Variants in ARMC9 observed in about 807,000 individuals in gnomAD.
The protein encoded by ARMC9 is lisH domain-containing protein ARMC9.
Under a neutral mutation model 107.0 loss-of-function variants are expected in ARMC9, and 94 were observed. The observed-to-expected ratio is 0.88, with a 90% confidence interval of 0.74 to 1.04. The LOEUF is 1.04. Among genes scored for constraint, ARMC9 ranks in the 50% least tolerant of loss-of-function variants. ARMC9 has a pLI of 0.00. For synonymous variants in ARMC9, 380 were observed against 396.9 expected, an observed-to-expected ratio of 0.96 and a Z score of 0.51; for missense variants, 942 against 1,030.1, an observed-to-expected ratio of 0.91 and a Z score of 1.17.
At chr2:231,300,547 C>T (rs751311481) in intron 19 of ARMC9, among the ~76,000 whole-genome samples, 1 of 152,202 alleles carries the variant, frequency 6.6e-6, no homozygotes, top group Non-Finnish European at 1.5e-5. Flanking sequence ...GTTCAGTCAT[C>T]TCCTCTTCTT....
At chr2:231,234,757 C>T (rs750467757) in intron 7 of ARMC9, among the ~76,000 whole-genome samples, 2 of 152,130 alleles carry the variant, frequency 1.3e-5, no homozygotes, top group Non-Finnish European at 2.9e-5. Context: ...GCGAGCACCA[C>T]CATGCCTGGC....
intron 19 of ARMC9, among the ~76,000 whole-genome samples, chr2:231,321,205 A>T (rs2042979203): frequency 6.6e-6 from 1 of 152,268 alleles, no homozygotes; most frequent in Non-Finnish European, 1.5e-5. Flanking sequence ...CTTGCGATCT[A>T]GAGACAGACT....
At chr2:231,356,158 C>G (rs2045337345) in intron 22 of ARMC9, among the ~76,000 whole-genome samples, 1 of 152,210 alleles carries the variant, frequency 6.6e-6, no homozygotes, top group Admixed American at 6.5e-5. Context: ...GTTGTCCCGT[C>G]TGGGAGCTCC....
intron 24 of ARMC9, chr2:231,370,986 G>C (rs1033893149): frequency 8.8e-6 from 4 of 453,052 alleles, no homozygotes; most frequent in African/African-American, 6.0e-5. Flanking sequence ...GGTTGGAAGT[G>C]GGGGTAATGG....
rs576298713 is a variant in ARMC9 at position 231,255,429 on chromosome 2, ATTGCT to A, written c.880-1154_880-1150del. The stretch of plus-strand genomic sequence containing the variant: ...AAACCAGAATAATATAATGATTCAT[ATTGCT>A]TTTGTTCTTCACAATGTATTTAACT... On this transcript the variant is annotated intron_variant, in intron 9 of 24. Transcript: ENST00000611582. The surrounding 1 kb of genome is among the most constrained non-coding windows in gnomAD (Gnocchi z 4.7). 5.3e-5 allele frequency among the ~76,000 whole-genome samples: 8 copies of A among 152,342 alleles called. No individual in the cohort carries two copies. The East Asian group carries it at 1.5e-3, about 29-fold the overall frequency.
chr2:231,250,626 C>G lies in ARMC9; in HGVS notation c.880-5960C>G, dbSNP rs190649549. Among the ~76,000 whole-genome samples, 297 of 152,184 alleles carry G rather than the reference C, an allele frequency of 2.0e-3. 3 individuals are homozygous for G. Among genetic ancestry groups the G allele is most frequent in the Admixed American group, 0.018 (278 of 15,290 alleles). The stretch of plus-strand genomic sequence containing the variant: ...GAGAGCATGGAAGGCCAGGGAAGAT[C>G]GGAGCTATCTTGGAGGATGGGGGGT... On this transcript the variant is annotated intron_variant, in intron 9 of 24. Coordinates refer to ENST00000611582, the MANE Select transcript of ARMC9 (RefSeq NM_001352754.2).
At chr2:231,341,548 T>C (rs141235169) in intron 20 of ARMC9, among the ~76,000 whole-genome samples, 1 of 150,340 alleles carries the variant, frequency 6.7e-6, no homozygotes, top group African/African-American at 2.5e-5. Flanking sequence ...AGAGGGTGAA[T>C]ATTATGTAGA....
At chr2:231,347,384 G>T (rs1199600543) in intron 21 of ARMC9, among the ~76,000 whole-genome samples, 1 of 152,194 alleles carries the variant, frequency 6.6e-6, no homozygotes, top group Non-Finnish European at 1.5e-5. Context: ...GCCCTCAGAA[G>T]CACACAGACC....
At chr2:231,345,676 G>A (rs2044778537) in intron 21 of ARMC9, among the ~76,000 whole-genome samples, 1 of 152,280 alleles carries the variant, frequency 6.6e-6, no homozygotes, top group South Asian at 2.1e-4. Flanking sequence ...CCAGTGGGCG[G>A]TAGAGAAGCC....
At chr2:231,285,097 C>T (rs2040490851) in intron 17 of ARMC9, among the ~76,000 whole-genome samples, 1 of 151,902 alleles carries the variant, frequency 6.6e-6, no homozygotes, top group South Asian at 2.1e-4. Flanking sequence ...ACTCAGGAGG[C>T]TGAGGCAGGA....
At chr2:231,284,520 A>G (rs951825824) in intron 17 of ARMC9, among the ~76,000 whole-genome samples, 8 of 152,184 alleles carry the variant, frequency 5.3e-5, no homozygotes, top group South Asian at 2.1e-4. Flanking sequence ...TCTTCTGGCT[A>G]TTGACTGGGG....
intron 8 of ARMC9, 103 bp downstream of exon 8, chr2:231,235,484 C>T: frequency 7.3e-7 from 1 of 1,373,954 alleles, no homozygotes; most frequent in Non-Finnish European, 9.8e-7. Flanking sequence ...TCTCTCCATT[C>T]CAAGCCAGTG....
chr2:231,332,977 A>C (rs920192405), intron 20 of ARMC9, among the ~76,000 whole-genome samples: 1 of 152,154 alleles, frequency 6.6e-6, no homozygotes, highest in African/African-American at 2.4e-5. Context: ...GAGCCTTGGG[A>C]AGGAGAAAGA....
At chr2:231,247,220 G>T (rs1479528096) in intron 9 of ARMC9, among the ~76,000 whole-genome samples, 1 of 152,198 alleles carries the variant, frequency 6.6e-6, no homozygotes, top group African/African-American at 2.4e-5. Context: ...CTCCCAAAGT[G>T]CTGGGATTAT....
intron 9 of ARMC9, among the ~76,000 whole-genome samples, chr2:231,252,396 C>T (rs1006843393): frequency 2.0e-5 from 3 of 152,178 alleles, no homozygotes; most frequent in South Asian, 4.2e-4. Context: ...ATTACAGGCG[C>T]CCGCCACCAT....
rs533166797 is a variant in ARMC9, at chr2:231,336,792, A to G, written c.1878+4895A>G. Among the ~76,000 whole-genome samples the G allele has an allele frequency of 4.6e-5, 7 of 152,314 alleles. No homozygotes were observed. In the East Asian group the frequency reaches 1.2e-3, roughly 25 times the overall value. On this transcript the variant is annotated intron_variant, in intron 20 of 24. Transcript: ENST00000611582. ...AGTGTGCGTTTTTATTTTCCCCTAA[A>G]GTGGTTCTGAAGCAGGAGTCTGGGC...
At position 231,373,985 on chromosome 2, in the gene ARMC9, G is replaced by A. The variant is rs1347977827; in HGVS notation, c.*2450G>A. On this transcript the variant is annotated 3_prime_UTR_variant, in exon 25 of 25. Coordinates refer to ENST00000611582, the MANE Select transcript of ARMC9 (RefSeq NM_001352754.2). The surrounding 1 kb of genome is among the most constrained non-coding windows in gnomAD (Gnocchi z 4.4). ...CTGAAAATATCACCCAGGCCTCTGC[G>A]CCACGCCCTGGGAGAGTACACTCCT... 1.3e-5 allele frequency: 2 copies of A among 151,954 alleles called. No individual in the cohort carries two copies. Among genetic ancestry groups the A allele is most frequent in the Non-Finnish European group, 2.9e-5 (2 of 68,000 alleles). The allele number at this position is 151,954 out of a possible 1,614,324, so 9.4% of individuals were successfully genotyped here.
At position 231,235,243 on chromosome 2, in the gene ARMC9, C is replaced by T; in HGVS notation, c.642C>T (p.His214=). Residue 214 remains histidine, a synonymous_variant, in exon 8 of 25, where the codon CAC becomes CAT. Coordinates refer to ENST00000611582, the MANE Select transcript of ARMC9 (RefSeq NM_001352754.2). Reference sequence around the variant, plus strand: ...TCCTAGAAATCTTGCAGCAGCTCCACCAGCAGCTGGTTGAAGCTGAACGTA... The same window carrying T: ...TCCTAGAAATCTTGCAGCAGCTCCATCAGCAGCTGGTTGAAGCTGAACGTA... ...QSNKEILQQL[H]QQLVEAERRS... 6.2e-7 allele frequency: 1 copy of T among 1,612,192 alleles called. No individual in the cohort carries two copies. The highest frequency in any genetic ancestry group is 8.5e-7 in the Non-Finnish European group (1 of 1,179,318).
At chr2:231,347,089 G>A (rs1051143922) in intron 21 of ARMC9, among the ~76,000 whole-genome samples, 1 of 152,188 alleles carries the variant, frequency 6.6e-6, no homozygotes, top group African/African-American at 2.4e-5. Context: ...CTTGGGTCAG[G>A]TGTTCTTCTT....
Sources: allele counts gnomAD v4.1 joint callset (sites outside exome capture counted in the v4.1 genomes callset), GRCh38; gene constraint gnomAD v4.1.1; non-coding constraint Gnocchi (gnomAD v3.1); transcripts MANE v1.5; gene names NCBI Gene and HGNC (gene_info 2026-07-23, HGNC 2026-07-21).